SLC28A1: variants seen among roughly 807,000 people sequenced by gnomAD.
The protein encoded by SLC28A1 is solute carrier family 28 member 1, also known as sodium/nucleoside cotransporter 1.
Under a neutral mutation model 74.8 loss-of-function variants are expected in SLC28A1, and 64 were observed. The ratio of observed to expected loss-of-function variants is 0.86; its 90% CI spans 0.70 to 1.05. SLC28A1 has a LOEUF of 1.05. Among genes scored for constraint, SLC28A1 ranks in the 50% least tolerant of loss-of-function variants. The pLI is 0.00. For missense variants in SLC28A1, 828 were observed against 822.8 expected, an observed-to-expected ratio of 1.01 and a Z score of -0.08; for synonymous variants, 359 against 335.0, an observed-to-expected ratio of 1.07 and a Z score of -0.78.
chr15:84,896,542 G>A (rs573688952), intron 6 of SLC28A1, among the ~76,000 whole-genome samples: 6 of 152,332 alleles, frequency 3.9e-5, no homozygotes, highest in East Asian at 1.9e-4. Context: ...GGCCGGGCAC[G>A]GTGGCTCATG....
At chr15:84,886,219 C>A (rs1964584523) in intron 1 of SLC28A1, 3 of 985,366 alleles carry the variant, frequency 3.0e-6, no homozygotes, top group Non-Finnish European at 3.6e-6. Context: ...TTTACTATTT[C>A]TCACAGCTAC....
At chr15:84,907,379 T>G (rs1967400263) in intron 8 of SLC28A1, among the ~76,000 whole-genome samples, 1 of 152,206 alleles carries the variant, frequency 6.6e-6, no homozygotes, top group Non-Finnish European at 1.5e-5. Flanking sequence ...GAGATGGGGT[T>G]TTACCATGTT....
In SLC28A1 at chr15:84,921,046, G is replaced by T. The variant is rs771157348; in HGVS notation, c.934G>T (p.Ala312Ser). ...CACAGCCACTGAGACCCTGAGTGTG[G>T]CTGGAAACATCTTTGTGAGCCAGGT... ...GTTATETLSV[A>S]GNIFVSQTEA... is the part of the protein sequence containing the mutation. The change falls in exon 11 of 19, where the codon GCT becomes TCT. Residue 312 changes from alanine (A) to serine (S), a missense_variant. Ala to Ser is a moderately conservative substitution (Grantham distance 99). Coordinates refer to ENST00000394573, the MANE Select transcript of SLC28A1 (RefSeq NM_004213.5). 1.9e-6 allele frequency: 3 copies of T among 1,613,984 alleles called. No homozygotes were observed. The highest frequency in any genetic ancestry group is 2.5e-6 in the Non-Finnish European group (3 of 1,179,884).
At chr15:84,933,031 G>A (rs1971491941) in intron 12 of SLC28A1, 114 bp from the exon 13 acceptor site, 3 of 970,974 alleles carry the variant, frequency 3.1e-6, no homozygotes, top group Admixed American at 1.7e-5. Flanking sequence ...ATGACAATGA[G>A]GACATATCAG....
At chr15:84,918,023 T>C (rs1285288758) in intron 9 of SLC28A1, among the ~76,000 whole-genome samples, 1 of 152,020 alleles carries the variant, frequency 6.6e-6, no homozygotes, top group Non-Finnish European at 1.5e-5. Flanking sequence ...TCTGAGCATG[T>C]TGGTGCTGAG....
chr15:84,906,270 T>TCG (rs1438533825), intron 8 of SLC28A1, among the ~76,000 whole-genome samples: 1 of 151,964 alleles, frequency 6.6e-6, no homozygotes, highest in Non-Finnish European at 1.5e-5. Context: ...TTCGCTTGCC[T>TCG]CGGCCTCCCA....
At chr15:84,924,158 C>T in intron 12 of SLC28A1, 48 bp downstream of exon 12, 3 of 1,599,252 alleles carry the variant, frequency 1.9e-6, no homozygotes, top group East Asian at 2.2e-5. Context: ...ACCTGAAGCC[C>T]ATCTTTGTGG....
chr15:84,902,479 C>CA (rs34784696), intron 6 of SLC28A1, among the ~76,000 whole-genome samples: 86,351 of 141,868 alleles, frequency 0.61, 26,141 homozygotes, highest in South Asian at 0.75. Context: ...GACTTTGTCT[C>CA]AAAAAAAAAA....
the SLC28A1 span, among the ~76,000 whole-genome samples, chr15:84,971,450 G>C: frequency 3.3e-5 from 5 of 152,076 alleles, no homozygotes; most frequent in African/African-American, 1.2e-4. Flanking sequence ...CACAAGAGCT[G>C]GTTAAAAAGA....
chr15:84,917,037 A>AT (rs1024659791), intron 9 of SLC28A1, among the ~76,000 whole-genome samples: 22 of 144,828 alleles, frequency 1.5e-4, no homozygotes, highest in African/African-American at 5.3e-4. Flanking sequence ...CAAAAAAAAA[A>AT]AAATAAATAA....
At chr15:84,925,067 G>GTTTTTTTTTTTATT (rs1970330184) in intron 12 of SLC28A1, among the ~76,000 whole-genome samples, 1 of 84,164 alleles carries the variant, frequency 1.2e-5, no homozygotes, top group Non-Finnish European at 2.2e-5. Context: ...CGCCCAGCTA[G>GTTTTTTTTTTTATT]TTTTTTTTTT....
chr15:84,928,330 G>A (rs1413278211), intron 12 of SLC28A1, among the ~76,000 whole-genome samples: 1 of 151,620 alleles, frequency 6.6e-6, no homozygotes, highest in African/African-American at 2.4e-5. Flanking sequence ...TCAATCTCTG[G>A]GTCTGCCCCA....
the SLC28A1 span, among the ~76,000 whole-genome samples, chr15:84,970,434 G>A: frequency 2.6e-5 from 4 of 152,148 alleles, no homozygotes; most frequent in African/African-American, 4.8e-5. Context: ...TTTGTGCATG[G>A]GAAGGGTCTA....
At chr15:84,903,156 A>G (rs1363195761) in intron 6 of SLC28A1, among the ~76,000 whole-genome samples, 1 of 152,238 alleles carries the variant, frequency 6.6e-6, no homozygotes, top group Non-Finnish European at 1.5e-5. Context: ...TAAAAATATG[A>G]GCAGAAAGAA....
At position 84,935,146 on chromosome 15, in the gene SLC28A1, C is replaced by T. The variant is rs750743489; in HGVS notation, c.1335C>T (p.Ala445=). The change falls in exon 14 of 19, where the codon GCC becomes GCT. Residue 445 remains alanine, a synonymous_variant. Transcript: ENST00000394573. ...CTGTGCTGGACTTTATCAATGCTGC[C>T]CTCTCCTGGCTGGGAGACATGGTGG... The part of the protein sequence containing the change: ...FLAVLDFINA[A]LSWLGDMVDI... 1.2e-6 allele frequency: 2 copies of T among 1,613,894 alleles called. No homozygotes were observed. Among genetic ancestry groups the T allele is most frequent in the Non-Finnish European group, 1.7e-6 (2 of 1,179,918 alleles).
At chr15:84,925,799 A>C (rs1274837806) in intron 12 of SLC28A1, among the ~76,000 whole-genome samples, 2 of 152,150 alleles carry the variant, frequency 1.3e-5, no homozygotes, top group East Asian at 3.9e-4. Context: ...AAAAGTTGAG[A>C]ATCATTGATC....
At chr15:84,941,434 T>C (rs1972681151) in intron 15 of SLC28A1, among the ~76,000 whole-genome samples, 1 of 152,086 alleles carries the variant, frequency 6.6e-6, no homozygotes, top group African/African-American at 2.4e-5. Context: ...CTCGGTCTCC[T>C]GAACTTGTGA....
At position 84,933,233 on chromosome 15, in the gene SLC28A1, A is replaced by G. The variant is rs957952861; in HGVS notation, c.1172A>G (p.Glu391Gly). ...LSKLVYPEVE[E>G]SKFRREEGVK... ...AAGCTGGTCTACCCGGAGGTGGAGG[A>G]GTCCAAGTTTAGGAGGGAGGAAGGA... The change falls in exon 13 of 19, where the codon GAG becomes GGG. Residue 391 changes from glutamate to glycine, a missense_variant. Physicochemically the swap from Glu to Gly is moderately conservative, Grantham distance 98. Around this residue, in one of 3 missense-constraint regions of SLC28A1, gnomAD observed 767 missense variants for 753.5 expected, o/e 1.02. Coordinates refer to ENST00000394573, the MANE Select transcript of SLC28A1 (RefSeq NM_004213.5). 1 of 1,613,666 alleles carries G rather than the reference A, an allele frequency of 6.2e-7. No individual in the cohort carries two copies.
chr15:84,907,145 T>C (rs1437039272), intron 8 of SLC28A1, among the ~76,000 whole-genome samples: 2 of 152,244 alleles, frequency 1.3e-5, no homozygotes, highest in African/African-American at 4.8e-5. Flanking sequence ...CTCATTCTCC[T>C]GATTTTTTGG....
Sources: allele counts gnomAD v4.1 joint callset (sites outside exome capture counted in the v4.1 genomes callset), GRCh38; gene constraint gnomAD v4.1.1; regional missense constraint gnomAD v4.1.1; transcripts MANE v1.5; gene names NCBI Gene and HGNC (gene_info 2026-07-23, HGNC 2026-07-21).